The following CDH4 variants were observed in gnomAD, a reference collection of about 807,000 sequenced individuals.
The protein encoded by CDH4 is cadherin-4.
In CDH4, 33 loss-of-function variants were observed where a neutral mutation model predicts 86.0. The observed-to-expected ratio is 0.38, with a 90% confidence interval of 0.29 to 0.51. CDH4 has a LOEUF of 0.51. Among genes scored for constraint, CDH4 ranks in the 20% least tolerant of loss-of-function variants. CDH4 has a pLI of 0.86. For synonymous variants in CDH4, 555 were observed against 549.4 expected, an observed-to-expected ratio of 1.01 and a Z score of -0.14; for missense variants, 1,114 against 1,307.4, an observed-to-expected ratio of 0.85 and a Z score of 2.28.
chr20:61,424,247 C>G (rs1368484386), intron 2 of CDH4, among the ~76,000 whole-genome samples: 1 of 141,342 alleles, frequency 7.1e-6, no homozygotes, highest in African/African-American at 2.5e-5. Flanking sequence ...CACATGTATC[C>G]ACACACATAT....
chr20:61,614,197 A>G (rs1210739005), intron 2 of CDH4, among the ~76,000 whole-genome samples: 2 of 152,088 alleles, frequency 1.3e-5, no homozygotes, highest in Non-Finnish European at 2.9e-5. Context: ...ATTCTCAGAC[A>G]GGGCTGGTCA....
intron 2 of CDH4, among the ~76,000 whole-genome samples, chr20:61,372,726 G>A (rs1056540068): frequency 1.3e-5 from 2 of 152,196 alleles, no homozygotes; most frequent in Non-Finnish European, 2.9e-5. Context: ...TGCCAGCCGG[G>A]TCTCAGTTTT....
chr20:61,758,915 G>A (rs948392357), intron 3 of CDH4, among the ~76,000 whole-genome samples: 1 of 152,186 alleles, frequency 6.6e-6, no homozygotes. Context: ...GAGCTGGTGT[G>A]TGTGTGCACC....
chr20:61,671,842 G>A (rs1251139127), intron 2 of CDH4, among the ~76,000 whole-genome samples: 2 of 150,930 alleles, frequency 1.3e-5, no homozygotes, highest in Non-Finnish European at 3.0e-5. Context: ...TGGATGCATG[G>A]GTGGAAGGTG....
intron 2 of CDH4, among the ~76,000 whole-genome samples, chr20:61,701,364 G>A (rs1476195774): frequency 1.3e-5 from 2 of 152,244 alleles, no homozygotes; most frequent in Non-Finnish European, 2.9e-5. Flanking sequence ...CCCATAACAA[G>A]CGAGTGAATG....
chr20:61,388,927 C>A (rs999857112), intron 2 of CDH4, among the ~76,000 whole-genome samples: 28 of 152,198 alleles, frequency 1.8e-4, no homozygotes, highest in African/African-American at 6.0e-4. Flanking sequence ...TTGTAAACTG[C>A]TTTGTGATAA....
chr20:61,910,676 C>G (rs1568882555), intron 9 of CDH4, 69 bp downstream of exon 9: 4 of 1,380,134 alleles, frequency 2.9e-6, no homozygotes, highest in Non-Finnish European at 4.1e-6. Context: ...TAGGACCAGT[C>G]AAACAGGAGT....
intron 4 of CDH4, among the ~76,000 whole-genome samples, chr20:61,821,849 A>C (rs576637794): frequency 1.3e-5 from 2 of 152,252 alleles, no homozygotes; most frequent in Non-Finnish European, 2.9e-5. Flanking sequence ...GCAGGAGATA[A>C]GTGTTACCCA....
intron 2 of CDH4, among the ~76,000 whole-genome samples, chr20:61,353,965 G>T (rs1166581390): frequency 6.6e-6 from 1 of 152,064 alleles, no homozygotes; most frequent in African/African-American, 2.4e-5. Flanking sequence ...TGTCAGTGTT[G>T]CAGGACTCTG....
At position 61,934,206 on chromosome 20, in the gene CDH4, G is replaced by A. The variant is rs1416773503; in HGVS notation, c.2530G>A (p.Asp844Asn). The A allele has an allele frequency of 1.3e-6, 2 of 1,567,070 alleles. No homozygotes were observed. Among genetic ancestry groups the A allele is most frequent in the Non-Finnish European group, 1.7e-6 (2 of 1,151,744 alleles). ...PMVPHPGDIG[D>N]FINEGLRAAD... ...GGTGCCGCACCCAGGCGACATCGGTGACTTCATCAATGAGGTGTGTGCCTC... is the reference window on the plus strand; with the variant it reads ...GGTGCCGCACCCAGGCGACATCGGTAACTTCATCAATGAGGTGTGTGCCTC... The change falls in exon 15 of 16, where the codon GAC (aspartate) becomes AAC (asparagine). Residue 844 changes from aspartate (D) to asparagine (N), a missense_variant. This residue lies in a region of CDH4 where 188 missense variants were observed against 183.8 expected (regional missense o/e 1.02). Coordinates refer to ENST00000614565, the MANE Select transcript of CDH4 (RefSeq NM_001794.5).
At chr20:61,394,195 C>A (rs1455476347) in intron 2 of CDH4, among the ~76,000 whole-genome samples, 2 of 152,100 alleles carry the variant, frequency 1.3e-5, no homozygotes, top group African/African-American at 4.8e-5. Context: ...ACAGCCCCAG[C>A]CCTTTGACCT....
At chr20:61,493,438 C>T (rs1278810202) in intron 2 of CDH4, among the ~76,000 whole-genome samples, 1 of 152,182 alleles carries the variant, frequency 6.6e-6, no homozygotes, top group African/African-American at 2.4e-5. Context: ...CTCTGTTGCC[C>T]CATAAAAATA....
intron 11 of CDH4, among the ~76,000 whole-genome samples, chr20:61,927,618 G>A (rs553910132): frequency 6.8e-4 from 104 of 152,368 alleles, no homozygotes; most frequent in African/African-American, 2.4e-3. Flanking sequence ...AACTCAGGGA[G>A]GCAAGGAAAG....
At chr20:61,364,265 A>G (rs959087194) in intron 2 of CDH4, among the ~76,000 whole-genome samples, 2 of 152,104 alleles carry the variant, frequency 1.3e-5, no homozygotes, top group Non-Finnish European at 2.9e-5. Flanking sequence ...GGGAACCCAC[A>G]TGGAAGCTGG....
chr20:61,793,314 C>T (rs751871564), intron 4 of CDH4, among the ~76,000 whole-genome samples: 10 of 150,400 alleles, frequency 6.6e-5, no homozygotes, highest in Non-Finnish European at 1.5e-4. Flanking sequence ...GCAGAGCAAA[C>T]ATTAGTTCTT....
chr20:61,924,042 G>A (rs532117817), intron 10 of CDH4, among the ~76,000 whole-genome samples: 6 of 152,350 alleles, frequency 3.9e-5, no homozygotes, highest in African/African-American at 1.4e-4. Flanking sequence ...CGTTCGATGG[G>A]GACAATGAGG....
At chr20:61,610,272 C>T (rs551035423) in intron 2 of CDH4, among the ~76,000 whole-genome samples, 1 of 152,316 alleles carries the variant, frequency 6.6e-6, no homozygotes, top group Non-Finnish European at 1.5e-5. Context: ...CAGTGATTGG[C>T]TTATTTTACA....
At chr20:61,547,633 C>T (rs956937861) in intron 2 of CDH4, among the ~76,000 whole-genome samples, 8 of 152,156 alleles carry the variant, frequency 5.3e-5, no homozygotes, top group African/African-American at 1.9e-4. Context: ...TCAATGCTTT[C>T]ACACTCCTTG....
chr20:61,678,770 C>G (rs1158316676), intron 2 of CDH4, among the ~76,000 whole-genome samples: 2 of 152,212 alleles, frequency 1.3e-5, no homozygotes, highest in African/African-American at 4.8e-5. Context: ...GGAAGCCTCA[C>G]CCCATCCCTG....
Sources: gnomAD v4.1 joint callset for allele counts (sites outside exome capture counted in the v4.1 genomes callset) on GRCh38, gnomAD v4.1.1 for gene constraint, gnomAD v4.1.1 regional missense constraint, MANE v1.5 for transcripts, NCBI Gene and HGNC (gene_info 2026-07-23, HGNC 2026-07-21) for gene names.